TYW1: variants seen among roughly 807,000 people sequenced by gnomAD.
TYW1 encodes the protein S-adenosyl-L-methionine-dependent tRNA 4-demethylwyosine synthase TYW1.
TYW1 carries 46 observed loss-of-function variants against 96.2 expected under a neutral mutation model. That is an observed-to-expected ratio of 0.48 (90% CI 0.38 to 0.61). The LOEUF is 0.61. TYW1 is among the 20% of genes least tolerant of loss of function. The pLI is 0.00. For synonymous variants in TYW1, 274 were observed against 323.0 expected, an observed-to-expected ratio of 0.85 and a Z score of 1.63; for missense variants, 684 against 909.6, an observed-to-expected ratio of 0.75 and a Z score of 3.19.
rs778743156 is a variant in TYW1, at chr7:67,032,885, C to CTTTT, written c.984+7889_984+7892dup. Among the ~76,000 whole-genome samples the CTTTT allele has an allele frequency of 1.8e-4, 14 of 76,278 alleles. 2 individuals carry two copies. Among genetic ancestry groups the CTTTT allele is most frequent in the African/African-American group, 6.6e-4 (11 of 16,650 alleles). The allele number at this position is 76,278 out of a possible 152,430, so 50.0% of individuals were successfully genotyped here. A position where few individuals can be genotyped will look rare whatever the true frequency, so the allele number is the denominator to read the frequency against. ...ATTTTCCAGCAGCAGAGAAGTATAC[C>CTTTT]TTTTTTTTTTTTTTTTTTTTTTTTT... On this transcript the variant is annotated intron_variant, in intron 7 of 15. Transcript: ENST00000359626.
rs538839042 is a variant in TYW1 at position 67,112,100 on chromosome 7, C to CAAAA, written c.1563-5363_1563-5360dup. On this transcript the variant is annotated intron_variant, in intron 12 of 15. Transcript: ENST00000359626. ...GGTGACAGAGCGAGACTCTGTCTGA[C>CAAAA]AAAAAAAAAAAAAAAAAAAAAAAGA... Among the ~76,000 whole-genome samples the CAAAA allele has an allele frequency of 9.3e-3, 866 of 93,282 alleles. 18 individuals carry two copies. The highest frequency in any genetic ancestry group is 0.014 in the South Asian group (42 of 2,914). 61.2% of individuals were successfully genotyped at this position (93,282 alleles called of 152,430 possible).
chr7:67,000,077 A>G (rs1793326782), intron 3 of TYW1, among the ~76,000 whole-genome samples: 1 of 151,636 alleles, frequency 6.6e-6, no homozygotes, highest in East Asian at 1.9e-4. Context: ...CTGGGACTAT[A>G]GGTGCATGCC....
At chr7:67,001,072 C>A (rs1793369530) in intron 3 of TYW1, among the ~76,000 whole-genome samples, 1 of 151,106 alleles carries the variant, frequency 6.6e-6, no homozygotes, top group Non-Finnish European at 1.5e-5. Context: ...CCTCTTTATG[C>A]ATGTTTTTAC....
In TYW1 at chr7:67,044,111, GT is replaced by G. The variant is rs201692947; in HGVS notation, c.985-5819del. Among the ~76,000 whole-genome samples the G allele has an allele frequency of 2.1e-3, 257 of 124,582 alleles. 2 individuals carry two copies. The highest frequency in any genetic ancestry group is 4.8e-3 in the African/African-American group (156 of 32,824). The allele number at this position is 124,582 out of a possible 152,430, so 81.7% of individuals were successfully genotyped here. On this transcript the variant is annotated intron_variant, in intron 7 of 15. Transcript: ENST00000359626. Reference sequence around the variant, plus strand: ...CATGTATAATTAAGCATGAATAAGAGTTTTTTTTTTTTTTTTTTTGAGATGA... The same window carrying G: ...CATGTATAATTAAGCATGAATAAGAGTTTTTTTTTTTTTTTTTTGAGATGA...
chr7:67,015,957 T>G (rs1584465631), intron 5 of TYW1, among the ~76,000 whole-genome samples: 1 of 141,812 alleles, frequency 7.1e-6, no homozygotes, highest in Admixed American at 7.3e-5. Context: ...AGTGAGACTA[T>G]GTCTCAAAAA....
At chr7:67,139,731 GTGT>G (rs1563035252) in intron 13 of TYW1, among the ~76,000 whole-genome samples, 3 of 53,536 alleles carry the variant, frequency 5.6e-5, no homozygotes, top group Admixed American at 1.8e-4. Context: ...GTATACAGGT[GTGT>G]GTGTGTGTGT....
intron 7 of TYW1, among the ~76,000 whole-genome samples, chr7:67,039,798 G>T (rs1794958241): frequency 6.6e-6 from 1 of 151,476 alleles, no homozygotes; most frequent in South Asian, 2.1e-4. Context: ...GAGTAGCTGG[G>T]ACTACAGGTA....
At chr7:67,123,034 A>T (rs980216719) in intron 13 of TYW1, among the ~76,000 whole-genome samples, 1 of 152,316 alleles carries the variant, frequency 6.6e-6, no homozygotes, top group African/African-American at 2.4e-5. Context: ...CTTGTAGTCA[A>T]TGAAATATAT....
chr7:67,019,960 A>C lies in TYW1; in HGVS notation c.861+1817A>C, dbSNP rs1430687900. 2.6e-5 allele frequency among the ~76,000 whole-genome samples: 4 copies of C among 152,288 alleles called. No individual in the cohort carries two copies. In the East Asian group the frequency reaches 7.7e-4, roughly 29 times the overall value. On this transcript the variant is annotated intron_variant, in intron 6 of 15. Coordinates refer to ENST00000359626, the MANE Select transcript of TYW1 (RefSeq NM_018264.4). ...GAGCAGATGGCTTCAAGAGATAATTACTTAGCTCAACAGGAAGTGATATGA... is the reference window on the plus strand; with the variant it reads ...GAGCAGATGGCTTCAAGAGATAATTCCTTAGCTCAACAGGAAGTGATATGA...
rs189883436 is a variant in TYW1 at position 67,227,069 on chromosome 7, T to C, written c.1978-11239T>C. 2.5e-3 allele frequency among the ~76,000 whole-genome samples: 380 copies of C among 152,310 alleles called. 1 individual carries two copies. The highest frequency in any genetic ancestry group is 8.3e-3 in the African/African-American group (346 of 41,552). On this transcript the variant is annotated intron_variant, in intron 15 of 15. Coordinates refer to ENST00000359626, the MANE Select transcript of TYW1 (RefSeq NM_018264.4). The stretch of plus-strand genomic sequence containing the variant: ...TTAGTGTTCTTTTTTATTTTTGTTT[T>C]ATTCCGTTTTGTCTATTATATATGG...
chr7:67,183,915 A>G (rs1403480915), intron 14 of TYW1, among the ~76,000 whole-genome samples: 1 of 151,066 alleles, frequency 6.6e-6, no homozygotes, highest in African/African-American at 2.4e-5. Context: ...GCAGCCTCCA[A>G]CTCTTGGGTT....
chr7:67,152,611 C>G (rs893454984), intron 13 of TYW1, among the ~76,000 whole-genome samples: 2 of 151,814 alleles, frequency 1.3e-5, no homozygotes, highest in Non-Finnish European at 2.9e-5. Flanking sequence ...TTTTTCTTTT[C>G]TTTTCTTTGA....
chr7:67,127,442 G>C (rs1469871001), intron 13 of TYW1, among the ~76,000 whole-genome samples: 1 of 152,068 alleles, frequency 6.6e-6, no homozygotes, highest in African/African-American at 2.4e-5. Flanking sequence ...TTATAGGCTT[G>C]ACCCACTGTG....
intron 15 of TYW1, among the ~76,000 whole-genome samples, chr7:67,222,442 C>T (rs1185754296): frequency 6.6e-6 from 1 of 151,376 alleles, no homozygotes; most frequent in Non-Finnish European, 1.5e-5. Flanking sequence ...TTTCCTTCCT[C>T]GTGTTTTGCC....
intron 13 of TYW1, among the ~76,000 whole-genome samples, chr7:67,118,455 T>A (rs1156718973): frequency 6.6e-6 from 1 of 152,194 alleles, no homozygotes; most frequent in Non-Finnish European, 1.5e-5. Flanking sequence ...AAATGCCATG[T>A]AAGTGGTTGT....
rs141904738 is a variant in TYW1 at position 67,103,468 on chromosome 7, C to T, written c.1562+4750C>T. ...GTCATAAAACCACAAGTTTCAAACA[C>T]TCTGGGCTATAGAATAGTGAAACAA... On this transcript the variant is annotated intron_variant, in intron 12 of 15. Transcript: ENST00000359626. Among the ~76,000 whole-genome samples the T allele has an allele frequency of 3.3e-3, 501 of 152,268 alleles. 6 individuals carry two copies. The highest frequency in any genetic ancestry group is 3.7e-3 in the Non-Finnish European group (249 of 68,006).
intron 6 of TYW1, among the ~76,000 whole-genome samples, chr7:67,018,435 G>A (rs1483768337): frequency 6.6e-6 from 1 of 151,912 alleles, no homozygotes; most frequent in Non-Finnish European, 1.5e-5. Context: ...CAGCTACGTA[G>A]GAGGTGGAGT....
chr7:67,116,616 G>T (rs1797602717), intron 12 of TYW1, among the ~76,000 whole-genome samples: 1 of 152,116 alleles, frequency 6.6e-6, no homozygotes, highest in Non-Finnish European at 1.5e-5. Flanking sequence ...TTGAGCCTGG[G>T]AGGTTGAGAC....
At chr7:67,058,487 T>C (rs1251562150) in intron 9 of TYW1, among the ~76,000 whole-genome samples, 1 of 152,110 alleles carries the variant, frequency 6.6e-6, no homozygotes, top group East Asian at 1.9e-4. Flanking sequence ...TTTTTAAAAA[T>C]TGTTTATTTT....
Sources: gnomAD v4.1 joint callset for allele counts (sites outside exome capture counted in the v4.1 genomes callset) on GRCh38, gnomAD v4.1.1 for gene constraint, MANE v1.5 for transcripts, NCBI Gene and HGNC (gene_info 2026-07-23, HGNC 2026-07-21) for gene names.